EYS: variants seen among roughly 807,000 people sequenced by gnomAD.
EYS encodes the protein EGF-like photoreceptor maintenance factor, also known as protein eyes shut homolog.
Under a neutral mutation model 282.1 loss-of-function variants are expected in EYS, and 250 were observed. That is an observed-to-expected ratio of 0.89 (90% CI 0.80 to 0.98). The LOEUF (loss-of-function observed/expected upper bound fraction) is 0.98, where lower values mean the gene tolerates loss of function less well. EYS is among the 50% of genes least tolerant of loss of function. The pLI, the probability that EYS is intolerant of heterozygous loss-of-function variation, is 0.00. For synonymous variants in EYS, 1,355 were observed against 1,282.9 expected (o/e 1.06, Z -1.20); for missense variants, 4,016 against 3,709.0 (o/e 1.08, Z -2.15).
chr6:65,093,728 A>G (rs527847703), intron 12 of EYS, among the ~76,000 whole-genome samples: 31 of 151,956 alleles, frequency 2.0e-4, no homozygotes, highest in Admixed American at 2.0e-3. Context: ...AAATACCTAT[A>G]AAATAGATAG....
chr6:64,246,488 G>C (rs1440142722), intron 30 of EYS, among the ~76,000 whole-genome samples: 2 of 152,026 alleles, frequency 1.3e-5, no homozygotes, highest in African/African-American at 4.8e-5. Flanking sequence ...TTATGCTTTT[G>C]TGTTTTCTAT....
chr6:64,226,390 C>A (rs188140818), intron 31 of EYS, among the ~76,000 whole-genome samples: 1 of 151,952 alleles, frequency 6.6e-6, no homozygotes, highest in South Asian at 2.1e-4. Flanking sequence ...TGTTAATGTA[C>A]GGCATTTAAA....
chr6:63,812,438 T>C (rs115160439), intron 36 of EYS, among the ~76,000 whole-genome samples: 1,808 of 152,242 alleles, frequency 0.012, 31 homozygotes, highest in African/African-American at 0.042. Context: ...GCCCTGCCCT[T>C]CCCAACCCCG....
Position 65,490,638 on chromosome 6 carries a change from A to G in EYS, c.818T>C (p.Ile273Thr). The G allele has an allele frequency of 6.2e-7, 1 of 1,612,618 alleles. No individual in the cohort carries two copies. The highest frequency in any genetic ancestry group is 1.3e-5 in the African/African-American group (1 of 75,002). The change falls in exon 5 of 43, where the codon ATT becomes ACT. Residue 273 changes from isoleucine to threonine, a missense_variant. Ile to Thr is a moderately conservative substitution (Grantham distance 89, BLOSUM62 -1). Transcript: ENST00000503581. ...HVCFHGNCSN[I>T]TSNSFICECD... ...TTCACAAATGAAACTATTTGAAGTA[A>G]TATTGCTGCAGTTTCCATGGAAACA... is the stretch of plus-strand genomic sequence containing the variant.
At chr6:64,084,866 G>A (rs1310569218) in intron 31 of EYS, among the ~76,000 whole-genome samples, 1 of 152,136 alleles carries the variant, frequency 6.6e-6, no homozygotes, top group Non-Finnish European at 1.5e-5. Context: ...CAGCATTTGG[G>A]AAGAACATAA....
chr6:63,885,252 A>T (rs542362927), intron 35 of EYS, among the ~76,000 whole-genome samples: 2 of 152,314 alleles, frequency 1.3e-5, no homozygotes, highest in Non-Finnish European at 2.9e-5. Flanking sequence ...AGTAGGCTAC[A>T]TCTTTTGTCA....
chr6:64,393,358 T>C (rs553279217), intron 28 of EYS, among the ~76,000 whole-genome samples: 19 of 152,324 alleles, frequency 1.2e-4, no homozygotes, highest in Admixed American at 1.1e-3. Context: ...ATATCCTTGA[T>C]GAACATTGAT....
Position 65,044,815 on chromosome 6 carries a change from C to T in EYS, c.2137+12799G>A, listed in dbSNP as rs561653606. 5.9e-5 allele frequency among the ~76,000 whole-genome samples: 9 copies of T among 151,840 alleles called. 1 individual carries two copies. The highest frequency in any genetic ancestry group is 2.2e-4 in the African/African-American group (9 of 41,448). On this transcript the variant is annotated intron_variant, in intron 13 of 42. Coordinates refer to ENST00000503581, the MANE Select transcript of EYS (RefSeq NM_001142800.2). ...TGCAATTTGTATTTTGGTACCCTTC[C>T]TTATGTGGTGTCCTTTCTTGAATTC... is the stretch of plus-strand genomic sequence containing the variant.
intron 12 of EYS, among the ~76,000 whole-genome samples, chr6:65,179,740 A>C (rs1268854202): frequency 1.3e-5 from 2 of 152,088 alleles, no homozygotes; most frequent in African/African-American, 4.8e-5. Context: ...AAAGCCTGGC[A>C]GAGACACAAC....
intron 30 of EYS, among the ~76,000 whole-genome samples, chr6:64,247,026 C>A (rs1440959602): frequency 6.6e-6 from 1 of 151,714 alleles, no homozygotes; most frequent in Admixed American, 6.6e-5. Flanking sequence ...TATAAATATG[C>A]GATATTTTAG....
chr6:64,801,155 A>G (rs939666147), intron 22 of EYS, among the ~76,000 whole-genome samples: 19 of 152,244 alleles, frequency 1.2e-4, no homozygotes, highest in Non-Finnish European at 2.5e-4. Flanking sequence ...AAAAAAAATC[A>G]TCATTTTAGG....
At chr6:64,064,996 T>C (rs1353103689) in intron 33 of EYS, among the ~76,000 whole-genome samples, 3 of 152,196 alleles carry the variant, frequency 2.0e-5, no homozygotes, top group African/African-American at 4.8e-5. Flanking sequence ...TTACAAATAA[T>C]GATTTCATTA....
chr6:65,313,993 C>A (rs1402280348), intron 11 of EYS, among the ~76,000 whole-genome samples: 1 of 152,154 alleles, frequency 6.6e-6, no homozygotes, highest in East Asian at 1.9e-4. Context: ...ATCCACCACC[C>A]ACTCCCCTCC....
At chr6:65,095,544 C>A (rs556142116) in intron 12 of EYS, among the ~76,000 whole-genome samples, 3 of 151,066 alleles carry the variant, frequency 2.0e-5, no homozygotes, top group East Asian at 3.9e-4. Context: ...ATGTTGGGCA[C>A]AATGAATATA....
At chr6:64,303,292 T>C (rs1769300111) in intron 30 of EYS, among the ~76,000 whole-genome samples, 1 of 152,214 alleles carries the variant, frequency 6.6e-6, no homozygotes, top group Non-Finnish European at 1.5e-5. Context: ...TACAGGTCAC[T>C]CCTTGATTGG....
intron 34 of EYS, among the ~76,000 whole-genome samples, chr6:63,988,057 C>T (rs1478168708): frequency 1.3e-5 from 2 of 151,428 alleles, no homozygotes; most frequent in Non-Finnish European, 3.0e-5. Flanking sequence ...GGGTGATTAT[C>T]TTTGTGTATG....
At chr6:64,053,062 T>G (rs545237071) in intron 33 of EYS, among the ~76,000 whole-genome samples, 1 of 152,206 alleles carries the variant, frequency 6.6e-6, no homozygotes, top group African/African-American at 2.4e-5. Context: ...TATAAACAAC[T>G]TTAAAATATG....
chr6:64,415,602 A>C (rs1052215090), intron 28 of EYS, among the ~76,000 whole-genome samples: 1 of 152,154 alleles, frequency 6.6e-6, no homozygotes, highest in Admixed American at 6.6e-5. Context: ...TGTTCTGTCC[A>C]TATGCATTAA....
At chr6:64,180,075 G>T (rs1397969710) in intron 31 of EYS, among the ~76,000 whole-genome samples, 12 of 152,108 alleles carry the variant, frequency 7.9e-5, no homozygotes, top group Admixed American at 7.9e-4. Context: ...GGTTTGGATA[G>T]ATCTAAAGCA....
Sources: allele counts gnomAD v4.1 joint callset (sites outside exome capture counted in the v4.1 genomes callset), GRCh38; gene constraint gnomAD v4.1.1; transcripts MANE v1.5; gene names NCBI Gene and HGNC (gene_info 2026-07-23, HGNC 2026-07-21).